Variants in GABPB1 observed in about 807,000 individuals in gnomAD.
GABPB1 encodes GA-binding protein subunit beta-1.
In GABPB1, 15 loss-of-function variants were observed where a neutral mutation model predicts 45.9. That is an observed-to-expected ratio of 0.33 (90% CI 0.22 to 0.50). GABPB1 has a LOEUF of 0.50. GABPB1 is among the 20% of genes least tolerant of loss of function. The probability of loss-of-function intolerance (pLI) is 0.98; values close to 1 mark genes in which losing one functional copy is unlikely to be tolerated. For synonymous variants in GABPB1, 143 were observed against 154.4 expected, an observed-to-expected ratio of 0.93 and a Z score of 0.55; for missense variants, 252 against 457.5, an observed-to-expected ratio of 0.55 and a Z score of 4.10.
intron 1 of GABPB1, among the ~76,000 whole-genome samples, chr15:50,320,344 T>G (rs1006992357): frequency 7.9e-5 from 12 of 152,170 alleles, no homozygotes; most frequent in Non-Finnish European, 1.3e-4. Flanking sequence ...ATTTTTGCAT[T>G]TTTAGTAGAG....
At chr15:50,338,303 G>C (rs977321322) in intron 1 of GABPB1, among the ~76,000 whole-genome samples, 17 of 151,994 alleles carry the variant, frequency 1.1e-4, no homozygotes, top group African/African-American at 4.1e-4. Context: ...ACCTCCCAAA[G>C]TGCTGGGATT....
intron 8 of GABPB1, among the ~76,000 whole-genome samples, chr15:50,283,408 C>A (rs940087340): frequency 6.6e-6 from 1 of 151,854 alleles, no homozygotes; most frequent in East Asian, 1.9e-4. Context: ...TAAAGCCCCA[C>A]AAAATTTACA....
At chr15:50,349,711 T>C (rs998872951) in intron 1 of GABPB1, 2 of 152,250 alleles carry the variant, frequency 1.3e-5, no homozygotes, top group African/African-American at 4.8e-5. Flanking sequence ...CAAATTCTCA[T>C]GTACAATTTC....
chr15:50,297,857 T>C (rs1181671583), intron 6 of GABPB1, among the ~76,000 whole-genome samples: 1 of 152,214 alleles, frequency 6.6e-6, no homozygotes, highest in African/African-American at 2.4e-5. Context: ...TCCACTGTGA[T>C]GTCATATTGA....
intron 6 of GABPB1, among the ~76,000 whole-genome samples, chr15:50,298,115 A>C (rs1404049574): frequency 6.6e-6 from 1 of 152,128 alleles, no homozygotes; most frequent in Non-Finnish European, 1.5e-5. Flanking sequence ...TTTTTGAGAC[A>C]AGGTCTTGGT....
chr15:50,347,247 G>C (rs1567553056), intron 1 of GABPB1, among the ~76,000 whole-genome samples: 1 of 152,024 alleles, frequency 6.6e-6, no homozygotes, highest in Non-Finnish European at 1.5e-5. Flanking sequence ...ATAGCACTTA[G>C]GGCAAGAAAC....
intron 1 of GABPB1, among the ~76,000 whole-genome samples, chr15:50,333,397 C>T (rs955527284): frequency 3.9e-5 from 6 of 152,242 alleles, no homozygotes; most frequent in African/African-American, 1.4e-4. Context: ...ATCACATTAT[C>T]ATTATATTAT....
intron 1 of GABPB1, among the ~76,000 whole-genome samples, chr15:50,321,364 C>T (rs1275161242): frequency 1.3e-5 from 2 of 152,120 alleles, no homozygotes; most frequent in Admixed American, 1.3e-4. Flanking sequence ...GCTAGATCTT[C>T]CAAAAGTCAA....
intron 1 of GABPB1, among the ~76,000 whole-genome samples, chr15:50,326,497 A>C (rs1326289830): frequency 1.3e-5 from 2 of 151,884 alleles, no homozygotes; most frequent in African/African-American, 4.8e-5. Context: ...GTCTCTACTA[A>C]ACAATAAAAA....
At chr15:50,293,574 CGCAT>C (rs1260139482) in intron 6 of GABPB1, among the ~76,000 whole-genome samples, 1 of 152,044 alleles carries the variant, frequency 6.6e-6, no homozygotes, top group Non-Finnish European at 1.5e-5. Context: ...GATTTTCAAA[CGCAT>C]TAAGTATTGC....
At chr15:50,311,941 T>C (rs2047142742) in intron 1 of GABPB1, among the ~76,000 whole-genome samples, 1 of 152,206 alleles carries the variant, frequency 6.6e-6, no homozygotes, top group African/African-American at 2.4e-5. Context: ...CAGATACTAA[T>C]ACTTGGAGGC....
intron 1 of GABPB1, among the ~76,000 whole-genome samples, chr15:50,326,395 C>A (rs1453139828): frequency 6.6e-6 from 1 of 151,194 alleles, no homozygotes; most frequent in Non-Finnish European, 1.5e-5. Flanking sequence ...TGGTGGCTCA[C>A]GCCTGTAATC....
intron 4 of GABPB1, among the ~76,000 whole-genome samples, chr15:50,302,708 T>C (rs939637987): frequency 5.7e-5 from 7 of 122,338 alleles, no homozygotes; most frequent in East Asian, 4.7e-4. Flanking sequence ...AAACAGAAAG[T>C]AATCACCTTA....
At chr15:50,300,134 C>T (rs1270659650) in intron 6 of GABPB1, among the ~76,000 whole-genome samples, 1 of 152,110 alleles carries the variant, frequency 6.6e-6, no homozygotes, top group Non-Finnish European at 1.5e-5. Flanking sequence ...CAAAAAGTCA[C>T]AAACTAGTAA....
At chr15:50,278,858 T>A in intron 8 of GABPB1, 74 bp from the exon 9 acceptor site, 3 of 1,141,970 alleles carry the variant, frequency 2.6e-6, no homozygotes, top group Non-Finnish European at 3.6e-6. Flanking sequence ...CATGCATCCT[T>A]CAAATTAAAA....
Position 50,303,977 on chromosome 15 carries a change from C to T in GABPB1, c.265G>A (p.Val89Ile). ...AAGAGAACACATACCTTAAGTAAAA[C>T]CTCTACTATGCTGGCATGGCCCTCA... ...ASEGHASIVE[V>I]LLKHGADVNA... Residue 89 changes from valine to isoleucine, a missense_variant, in exon 3 of 9, where the codon GTT becomes ATT. Transcript: ENST00000380877. 3.1e-6 allele frequency: 5 copies of T among 1,598,538 alleles called. No individual in the cohort carries two copies. The highest frequency in any genetic ancestry group is 4.3e-6 in the Non-Finnish European group (5 of 1,174,992).
intron 6 of GABPB1, among the ~76,000 whole-genome samples, chr15:50,290,679 A>G (rs1465964956): frequency 6.6e-6 from 1 of 152,222 alleles, no homozygotes; most frequent in Non-Finnish European, 1.5e-5. Flanking sequence ...CATACAGAAT[A>G]AAGAGTATTC....
Position 50,304,140 on chromosome 15 carries a change from C to CA in GABPB1, c.109-8dup. 3 of 1,545,638 alleles carry CA rather than the reference C, an allele frequency of 1.9e-6. No homozygotes were observed. On this transcript the variant is annotated splice_region_variant and splice_polypyrimidine_tract_variant and intron_variant, in intron 2 of 8. Coordinates refer to ENST00000380877, the MANE Select transcript of GABPB1 (RefSeq NM_016654.5). ...GAAGTGGAGAAGTTCCCAGCTGTAC[C>CA]ACAGAAAAAAAAAAAAATCCACATT...
At position 50,287,936 on chromosome 15, in the gene GABPB1, A is replaced by G. The variant is rs181506831; in HGVS notation, c.883+1547T>C. 2.0e-3 allele frequency among the ~76,000 whole-genome samples: 310 copies of G among 152,266 alleles called. 1 individual carries two copies. Among genetic ancestry groups the G allele is most frequent in the Non-Finnish European group, 3.7e-3 (254 of 68,026 alleles). ...TTTCTTGAAATCTGGTCTCTGTTCA[A>G]TGCCATGCCTCCTCTGTCACTCAAA... is the stretch of plus-strand genomic sequence containing the variant. On this transcript the variant is annotated intron_variant, in intron 7 of 8. Transcript: ENST00000380877.
Sources: allele counts gnomAD v4.1 joint callset (sites outside exome capture counted in the v4.1 genomes callset), GRCh38; gene constraint gnomAD v4.1.1; transcripts MANE v1.5; gene names NCBI Gene and HGNC (gene_info 2026-07-23, HGNC 2026-07-21).